TRIM55: variants seen among roughly 807,000 people sequenced by gnomAD.
TRIM55 encodes the protein tripartite motif-containing protein 55.
A neutral mutation model predicts 60.9 loss-of-function variants in TRIM55; 50 were observed. The ratio of observed to expected loss-of-function variants is 0.82; its 90% CI spans 0.65 to 1.04. TRIM55 has a LOEUF of 1.04. TRIM55 is among the 50% of genes least tolerant of loss of function. The pLI is 0.00. For missense variants in TRIM55, 681 were observed against 666.9 expected, an observed-to-expected ratio of 1.02 and a Z score of -0.23; for synonymous variants, 237 against 238.1, an observed-to-expected ratio of 1.00 and a Z score of 0.04.
intron 8 of TRIM55, among the ~76,000 whole-genome samples, chr8:66,153,531 C>T (rs1334451587): frequency 2.6e-5 from 4 of 152,278 alleles, no homozygotes; most frequent in Admixed American, 6.5e-5. Context: ...TATGCTCTGT[C>T]TCCACAGGAA....
chr8:66,173,632 G>A (rs1036631207), intron 9 of TRIM55, among the ~76,000 whole-genome samples: 2 of 152,264 alleles, frequency 1.3e-5, no homozygotes, highest in South Asian at 2.1e-4. Flanking sequence ...TAGGAAGGAC[G>A]GTGTTTGTCA....
chr8:66,151,628 G>A (rs903861837), intron 7 of TRIM55, among the ~76,000 whole-genome samples: 4 of 152,120 alleles, frequency 2.6e-5, no homozygotes, highest in South Asian at 2.1e-4. Context: ...GATCACTTAA[G>A]GCCAGGAGTT....
chr8:66,149,769 A>T lies in TRIM55; in HGVS notation c.728A>T (p.His243Leu). 6.2e-7 allele frequency: 1 copy of T among 1,614,216 alleles called. No individual in the cohort carries two copies. The highest frequency in any genetic ancestry group is 1.1e-5 in the South Asian group (1 of 91,090). Residue 243 changes from histidine to leucine, a missense_variant, in exon 5 of 10, where the codon CAT (histidine) becomes CTT (leucine). Transcript: ENST00000315962. The part of the protein sequence containing the change: ...ITRTQEEKLE[H>L]VRALIKKYSD... ...CGAACCCAAGAGGAGAAACTGGAAC[A>T]TGTCCGTGCTCTGATCAAAAAGTAT...
At chr8:66,137,899 G>A (rs777525527) in intron 4 of TRIM55, among the ~76,000 whole-genome samples, 11 of 152,124 alleles carry the variant, frequency 7.2e-5, no homozygotes, top group Non-Finnish European at 1.5e-4. Flanking sequence ...ATTACCGGAG[G>A]CCTTTAAAGT....
chr8:66,162,970 C>G (rs540189300), intron 9 of TRIM55, among the ~76,000 whole-genome samples: 1 of 152,156 alleles, frequency 6.6e-6, no homozygotes, highest in South Asian at 2.1e-4. Context: ...TTCATTTATT[C>G]CAGCACTATT....
At chr8:66,113,855 T>A in the TRIM55 span, among the ~76,000 whole-genome samples, 31 of 151,248 alleles carry the variant, frequency 2.0e-4, no homozygotes, top group Non-Finnish European at 4.4e-5. Context: ...AGGTGGGGGG[T>A]CCGCGGGAAG....
chr8:66,114,621 A>G, the TRIM55 span: 1 of 456,246 alleles, frequency 2.2e-6, no homozygotes, highest in African/African-American at 2.0e-5. Flanking sequence ...AAACAAAACA[A>G]GAAACAGAGA....
At chr8:66,169,574 A>G (rs908842257) in intron 9 of TRIM55, among the ~76,000 whole-genome samples, 2 of 152,390 alleles carry the variant, frequency 1.3e-5, no homozygotes, top group Non-Finnish European at 1.5e-5. Flanking sequence ...AGAAGGTAAC[A>G]TGAATGAAAA....
chr8:66,130,576 A>C (rs1809086446), intron 2 of TRIM55, among the ~76,000 whole-genome samples: 1 of 151,166 alleles, frequency 6.6e-6, no homozygotes, highest in South Asian at 2.1e-4. Context: ...GGGGGTGACC[A>C]ATCACAGACT....
chr8:66,114,477 G>C, the TRIM55 span: 3 of 445,970 alleles, frequency 6.7e-6, no homozygotes, highest in Non-Finnish European at 1.4e-5. Flanking sequence ...GGTTATTTTT[G>C]CTTCAAAAAT....
In TRIM55 at chr8:66,159,606, C is replaced by T. The variant is rs13253099; in HGVS notation, c.1524+5272C>T. Among the ~76,000 whole-genome samples, 308 of 152,326 alleles carry T rather than the reference C, an allele frequency of 2.0e-3. 1 individual carries two copies. The highest frequency in any genetic ancestry group is 0.017 in the Middle Eastern group (5 of 294). On this transcript the variant is annotated intron_variant, in intron 9 of 9. Transcript: ENST00000315962. ...AGTTTGTGGTTAACTTCATAAGAAA[C>T]TGTCAAACTGTTTTCCGTAGTGGTT...
intron 4 of TRIM55, among the ~76,000 whole-genome samples, chr8:66,139,708 A>G (rs1014645806): frequency 2.0e-5 from 3 of 152,196 alleles, no homozygotes; most frequent in Non-Finnish European, 4.4e-5. Flanking sequence ...CATTCCCTGC[A>G]GGACTTTATG....
chr8:66,153,151 T>G (rs560051202), intron 8 of TRIM55, among the ~76,000 whole-genome samples: 9 of 152,254 alleles, frequency 5.9e-5, no homozygotes, highest in Admixed American at 1.3e-4. Flanking sequence ...CACTAGTTTA[T>G]GTTCCTGTTG....
chr8:66,165,175 A>T (rs909899121), intron 9 of TRIM55, among the ~76,000 whole-genome samples: 3 of 152,188 alleles, frequency 2.0e-5, no homozygotes, highest in African/African-American at 7.2e-5. Context: ...CTAAGCCAGG[A>T]TGGACAATGG....
At chr8:66,134,161 A>C (rs1029882109) in intron 2 of TRIM55, among the ~76,000 whole-genome samples, 1 of 152,236 alleles carries the variant, frequency 6.6e-6, no homozygotes, top group South Asian at 2.1e-4. Flanking sequence ...TCTGTATAGC[A>C]ACAAAACAAA....
chr8:66,138,013 C>A, intron 4 of TRIM55, among the ~76,000 whole-genome samples: 1 of 152,144 alleles, frequency 6.6e-6, no homozygotes, highest in Non-Finnish European at 1.5e-5. Context: ...TGCAAGACAC[C>A]TGGGTTCAAG....
At chr8:66,154,429 G>A in intron 9 of TRIM55, 95 bp downstream of exon 9, 1 of 1,355,412 alleles carries the variant, frequency 7.4e-7, no homozygotes, top group Admixed American at 2.4e-5. Flanking sequence ...TTTCAAAGGG[G>A]CAGAGAGAAA....
intron 4 of TRIM55, among the ~76,000 whole-genome samples, chr8:66,139,521 A>G (rs1423341658): frequency 6.6e-6 from 1 of 152,238 alleles, no homozygotes; most frequent in East Asian, 1.9e-4. Flanking sequence ...CGAAATGACA[A>G]GAAGGAACAG....
chr8:66,140,021 C>A (rs1367204339), intron 4 of TRIM55, among the ~76,000 whole-genome samples: 3 of 152,162 alleles, frequency 2.0e-5, no homozygotes, highest in Non-Finnish European at 4.4e-5. Context: ...CCATGTATTA[C>A]ATTTTCCCAT....
Sources: allele counts gnomAD v4.1 joint callset (sites outside exome capture counted in the v4.1 genomes callset), GRCh38; gene constraint gnomAD v4.1.1; transcripts MANE v1.5; gene names NCBI Gene and HGNC (gene_info 2026-07-23, HGNC 2026-07-21).